TDRD15: variants seen among roughly 807,000 people sequenced by gnomAD.
TDRD15 encodes the protein tudor domain-containing protein 15.
For synonymous variants in TDRD15, 503 were observed against 314.5 expected (o/e 1.60, Z -6.34); for missense variants, 1,416 against 904.7 (o/e 1.57, Z -7.25).
intron 3 of TDRD15, 56 bp downstream of exon 3, chr2:21,134,903 G>A (rs1413482494): frequency 6.6e-6 from 1 of 150,656 alleles, no homozygotes; most frequent in South Asian, 2.1e-4. Context: ...TTGAATAAGG[G>A]TTGGATCTAG....
At chr2:21,147,032 G>C (rs575033613), downstream of TDRD15, among the ~76,000 whole-genome samples, 12 of 152,206 alleles carry the variant, frequency 7.9e-5, no homozygotes, top group South Asian at 2.1e-4. Flanking sequence ...CCTTTGGGTG[G>C]TTGTGAAGAT....
At chr2:21,132,333 G>T (rs1472891407) in intron 2 of TDRD15, among the ~76,000 whole-genome samples, 2 of 151,644 alleles carry the variant, frequency 1.3e-5, no homozygotes, top group Non-Finnish European at 2.9e-5. Context: ...TTCTCTCTTA[G>T]CATATTGTAT....
rs773715878 is a variant in TDRD15, at chr2:21,141,403, T to G, written c.3936T>G (p.Ile1312Met). ...TCAGTAATCCAGCGAATTTCCATAT[T>G]CAGCTTGCTGAGAATGAAAGTGTAA... ...SNISNPANFHIQLAENESVII... is the reference protein window; with the variant it reads ...SNISNPANFHMQLAENESVII... Residue 1312 changes from isoleucine to methionine, a missense_variant, in exon 4 of 4, where the codon ATT becomes ATG. Coordinates refer to ENST00000405799, the MANE Select transcript of TDRD15 (RefSeq NM_001306137.2). 6.4e-5 allele frequency: 46 copies of G among 713,342 alleles called. No homozygotes were observed. The highest frequency in any genetic ancestry group is 2.6e-6 in the Non-Finnish European group (1 of 383,252). The allele number at this position is 713,342 out of a possible 1,614,324, so 44.2% of individuals were successfully genotyped here. A position where few individuals can be genotyped will look rare whatever the true frequency, so the allele number is the denominator to read the frequency against.
intron 3 of TDRD15, among the ~76,000 whole-genome samples, chr2:21,135,289 A>G (rs1301603998): frequency 1.3e-5 from 2 of 151,402 alleles, no homozygotes; most frequent in African/African-American, 4.8e-5. Context: ...GCCCAAGGGT[A>G]GGAGCTTTGT....
chr2:21,125,484 A>G (rs1465176096), intron 1 of TDRD15, among the ~76,000 whole-genome samples: 1 of 150,332 alleles, frequency 6.7e-6, no homozygotes, highest in Admixed American at 6.6e-5. Context: ...GTTGTGTGTG[A>G]GTTGTTGCGT....
downstream of TDRD15, among the ~76,000 whole-genome samples, chr2:21,145,073 G>A (rs746769460): frequency 3.3e-5 from 5 of 152,046 alleles, no homozygotes; most frequent in Admixed American, 6.6e-5. Context: ...AGTCAGAAGA[G>A]CAAAGAGGCT....
Position 21,140,026 on chromosome 2 carries a change from T to C in TDRD15, c.2559T>C (p.Phe853=), listed in dbSNP as rs1347213526. ...ATCTTTGTGCAATTAACCCACGTTT[T>C]CTCTTGTTAGAAAGCCAAGCCTTCA... ...IEDLCAINPR[F]LLLESQAFRC... Residue 853 remains phenylalanine (F), a synonymous_variant, in exon 4 of 4, where the codon TTT becomes TTC. Transcript: ENST00000405799. The C allele has an allele frequency of 4.2e-6, 3 of 715,802 alleles. No individual in the cohort carries two copies. Among genetic ancestry groups the C allele is most frequent in the Non-Finnish European group, 7.8e-6 (3 of 383,960 alleles). 44.3% of individuals were successfully genotyped at this position (715,802 alleles called of 1,614,324 possible).
In TDRD15 at chr2:21,139,278, T is replaced by C. The variant is rs1460484600; in HGVS notation, c.1811T>C (p.Val604Ala). 2.8e-6 allele frequency: 2 copies of C among 714,048 alleles called. No homozygotes were observed. The highest frequency in any genetic ancestry group is 5.2e-6 in the Non-Finnish European group (2 of 383,726). 44.2% of individuals were successfully genotyped at this position (714,048 alleles called of 1,614,324 possible). The part of the protein sequence containing the change: ...MCCSLAHIFP[V>A]EDLWTKAAID... ...TGTTCACTTGCACATATATTTCCTG[T>C]TGAAGATTTATGGACTAAGGCTGCA... The change falls in exon 4 of 4, where the codon GTT becomes GCT. Residue 604 changes from valine (V) to alanine (A), a missense_variant. By Grantham distance (64) the Val-to-Ala change is moderately conservative. Transcript: ENST00000405799.
At chr2:21,126,026 GTGTC>G (rs1195395256) in intron 1 of TDRD15, among the ~76,000 whole-genome samples, 1 of 152,078 alleles carries the variant, frequency 6.6e-6, no homozygotes, top group Non-Finnish European at 1.5e-5. Context: ...GTGTGTGTGT[GTGTC>G]TGTGTGTCTT....
rs1041030874 is a variant in TDRD15, at chr2:21,143,228, C to T, written c.5761C>T (p.Leu1921Phe). 4 of 657,370 alleles carry T rather than the reference C, an allele frequency of 6.1e-6. No homozygotes were observed. In the African/African-American group the frequency reaches 7.3e-5, roughly 12 times the overall value. The allele number at this position is 657,370 out of a possible 1,614,324, so 40.7% of individuals were successfully genotyped here. ...AACTTATTCTAAAGATTCACCTCAT[C>T]TTGATGCAATTACTGCTACTGAATC... ...LATYSKDSPH[L>F]DAITATESAK... Residue 1921 changes from leucine (L) to phenylalanine (F), a missense_variant, in exon 4 of 4, where the codon CTT (leucine) becomes TTT (phenylalanine). Physicochemically the swap from Leu to Phe is conservative, Grantham distance 22 (BLOSUM62 0). Coordinates refer to ENST00000405799, the MANE Select transcript of TDRD15 (RefSeq NM_001306137.2).
Position 21,140,225 on chromosome 2 carries a change from C to CT in TDRD15, c.2758_2759insT (p.Gln920LeufsTer6), listed in dbSNP as rs1665893798. ...CCATTTATATAACTTAGTGGATTTACAGTCCTCATTTACTAGTGCAAAAGA... is the reference window on the plus strand; with the variant it reads ...CCATTTATATAACTTAGTGGATTTACTAGTCCTCATTTACTAGTGCAAAAGA... On this transcript the variant is annotated frameshift_variant, in exon 4 of 4. Coordinates refer to ENST00000405799, the MANE Select transcript of TDRD15 (RefSeq NM_001306137.2). LOFTEE classifies it low-confidence loss of function (END_TRUNC). 4.2e-6 allele frequency: 3 copies of CT among 715,250 alleles called. No individual in the cohort carries two copies. The highest frequency in any genetic ancestry group is 7.8e-6 in the Non-Finnish European group (3 of 383,810). 44.3% of individuals were successfully genotyped at this position (715,250 alleles called of 1,614,324 possible).
chr2:21,132,694 A>T (rs1368315875), intron 2 of TDRD15, among the ~76,000 whole-genome samples: 1 of 152,162 alleles, frequency 6.6e-6, no homozygotes, highest in East Asian at 1.9e-4. Context: ...TATTAAAAAA[A>T]TTTTATGACC....
intron 2 of TDRD15, among the ~76,000 whole-genome samples, chr2:21,129,893 G>A (rs1665684141): frequency 6.6e-6 from 1 of 152,190 alleles, no homozygotes; most frequent in African/African-American, 2.4e-5. Context: ...GGGTCAAGGG[G>A]CCACCTCTGG....
intron 2 of TDRD15, among the ~76,000 whole-genome samples, chr2:21,129,574 GA>G (rs755610733): frequency 2.4e-4 from 36 of 152,124 alleles, no homozygotes; most frequent in Admixed American, 1.2e-3. Context: ...TTAAGTTTGG[GA>G]TCTTTACATA....
rs1665995407 is a variant in TDRD15 at position 21,144,203 on chromosome 2, T to C, written c.*931T>C. On this transcript the variant is annotated 3_prime_UTR_variant, in exon 4 of 4. Coordinates refer to ENST00000405799, the MANE Select transcript of TDRD15 (RefSeq NM_001306137.2). Reference sequence around the variant, plus strand: ...TAAATGTCAAACTGATACTAAAATATTGTTAAAATTTTAATATTTTATGCA... The same window carrying C: ...TAAATGTCAAACTGATACTAAAATACTGTTAAAATTTTAATATTTTATGCA... Among the ~76,000 whole-genome samples the C allele has an allele frequency of 6.6e-6, 1 of 151,828 alleles. No homozygotes were observed. Among genetic ancestry groups the C allele is most frequent in the African/African-American group, 2.4e-5 (1 of 41,426 alleles).
Position 21,143,663 on chromosome 2 carries a change from AAC to A in TDRD15, c.*395_*396del, listed in dbSNP as rs1260895135. Among the ~76,000 whole-genome samples, 1 of 151,766 alleles carries A rather than the reference AAC, an allele frequency of 6.6e-6. No homozygotes were observed. Among genetic ancestry groups the A allele is most frequent in the South Asian group, 2.1e-4 (1 of 4,826 alleles). ...AAAACATTGCATGATAATAAAAAAAAACACAGAACACTTAAAAGGTAAACAGA... is the reference window on the plus strand; with the variant it reads ...AAAACATTGCATGATAATAAAAAAAAACAGAACACTTAAAAGGTAAACAGA... On this transcript the variant is annotated 3_prime_UTR_variant, in exon 4 of 4. Transcript: ENST00000405799.
rs1665981335 is a variant in TDRD15 at position 21,143,576 on chromosome 2, T to A, written c.*304T>A. 6.6e-6 allele frequency among the ~76,000 whole-genome samples: 1 copy of A among 151,586 alleles called. No homozygotes were observed. The highest frequency in any genetic ancestry group is 1.5e-5 in the Non-Finnish European group (1 of 67,670). ...AACAGCAGTCACGTTGAAGACATTT[T>A]TGAAAAACTACCAACTGAAGGAATA... On this transcript the variant is annotated 3_prime_UTR_variant, in exon 4 of 4. Coordinates refer to ENST00000405799, the MANE Select transcript of TDRD15 (RefSeq NM_001306137.2).
chr2:21,135,713 C>G (rs185243471), intron 3 of TDRD15, among the ~76,000 whole-genome samples: 1 of 151,962 alleles, frequency 6.6e-6, no homozygotes, highest in Admixed American at 6.6e-5. Flanking sequence ...CCATTCCCAC[C>G]CCCACACCCG....
chr2:21,138,601 A>G lies in TDRD15; in HGVS notation c.1134A>G (p.Leu378=). Residue 378 remains leucine, a synonymous_variant, in exon 4 of 4, where the codon TTA becomes TTG. Coordinates refer to ENST00000405799, the MANE Select transcript of TDRD15 (RefSeq NM_001306137.2). ...AACTGAGTATATTTAAACAGGCCTT[A>G]TTAGGACAAGTGGTATATGCACACA... ...IFQLSIFKQA[L]LGQVVYAHID... 1 of 713,566 alleles carries G rather than the reference A, an allele frequency of 1.4e-6. No individual in the cohort carries two copies. The highest frequency in any genetic ancestry group is 1.5e-5 in the South Asian group (1 of 66,908). The allele number at this position is 713,566 out of a possible 1,614,324, so 44.2% of individuals were successfully genotyped here. A position where few individuals can be genotyped will look rare whatever the true frequency, so the allele number is the denominator to read the frequency against.
Sources: gnomAD v4.1 joint callset for allele counts (sites outside exome capture counted in the v4.1 genomes callset) on GRCh38, gnomAD v4.1.1 for gene constraint, MANE v1.5 for transcripts, NCBI Gene and HGNC (gene_info 2026-07-23, HGNC 2026-07-21) for gene names.